Variants in AGBL4 observed in about 807,000 individuals in gnomAD.
AGBL4 encodes AGBL carboxypeptidase 4.
In AGBL4, 58 loss-of-function variants were observed where a neutral mutation model predicts 66.4. The observed-to-expected ratio is 0.87, with a 90% CI of 0.71 to 1.09. The LOEUF (loss-of-function observed/expected upper bound fraction) is 1.09. AGBL4 is among the 50% of genes least tolerant of loss of function. AGBL4 has a pLI of 0.00. For synonymous variants in AGBL4, 234 were observed against 222.9 expected (o/e 1.05, Z -0.44); for missense variants, 579 against 631.0 (o/e 0.92, Z 0.88).
At chr1:49,820,551 A>G (rs1030268869) in intron 2 of AGBL4, among the ~76,000 whole-genome samples, 2 of 152,170 alleles carry the variant, frequency 1.3e-5, no homozygotes, top group Non-Finnish European at 2.9e-5. Flanking sequence ...AATGCATGCA[A>G]TAAGCCCTCA....
At chr1:49,584,018 T>C (rs1285430363) in intron 3 of AGBL4, among the ~76,000 whole-genome samples, 1 of 152,226 alleles carries the variant, frequency 6.6e-6, no homozygotes, top group Non-Finnish European at 1.5e-5. Context: ...TTGTTCTCAG[T>C]ACTCTTGTTG....
chr1:48,590,761 C>T, intron 10 of AGBL4, 72 bp downstream of exon 10: 1 of 1,492,336 alleles, frequency 6.7e-7, no homozygotes, highest in Non-Finnish European at 9.0e-7. Flanking sequence ...GCAAACTGAA[C>T]TGAGTGAGAA....
intron 3 of AGBL4, among the ~76,000 whole-genome samples, chr1:49,369,004 G>A (rs965517933): frequency 1.3e-5 from 2 of 152,038 alleles, no homozygotes; most frequent in Non-Finnish European, 2.9e-5. Flanking sequence ...GAACCTGGTG[G>A]GGGCGGAGGT....
At chr1:49,200,273 T>C (rs542271693) in intron 4 of AGBL4, among the ~76,000 whole-genome samples, 46 of 152,310 alleles carry the variant, frequency 3.0e-4, no homozygotes, top group Middle Eastern at 3.4e-3. Flanking sequence ...TCAGATACTT[T>C]GTAAAAAAAC....
intron 1 of AGBL4, among the ~76,000 whole-genome samples, chr1:49,925,059 G>A (rs546150299): frequency 1.3e-5 from 2 of 152,332 alleles, no homozygotes; most frequent in South Asian, 4.1e-4. Context: ...CAGCGAGGTG[G>A]CTAAGGGAGT....
intron 6 of AGBL4, among the ~76,000 whole-genome samples, chr1:48,814,887 A>G (rs1646139015): frequency 6.6e-6 from 1 of 152,116 alleles, no homozygotes; most frequent in Non-Finnish European, 1.5e-5. Flanking sequence ...TTTTTGATAT[A>G]CTGATTTCCT....
intron 1 of AGBL4, among the ~76,000 whole-genome samples, chr1:49,895,131 A>T (rs912048784): frequency 6.6e-6 from 1 of 151,882 alleles, no homozygotes; most frequent in Non-Finnish European, 1.5e-5. Context: ...GAAAGAAAAA[A>T]CTTTTATCCT....
At chr1:49,180,557 T>C (rs950278402) in intron 4 of AGBL4, among the ~76,000 whole-genome samples, 12 of 152,190 alleles carry the variant, frequency 7.9e-5, no homozygotes, top group African/African-American at 2.9e-4. Context: ...CATGCTATAC[T>C]GCTAACTTTA....
chr1:49,790,600 GT>G (rs1269045531), intron 2 of AGBL4, among the ~76,000 whole-genome samples: 1 of 152,094 alleles, frequency 6.6e-6, no homozygotes, highest in African/African-American at 2.4e-5. Context: ...AATAATGCTA[GT>G]AGTGTTAAAA....
intron 2 of AGBL4, among the ~76,000 whole-genome samples, chr1:49,760,577 T>C (rs1378849050): frequency 6.6e-6 from 1 of 152,166 alleles, no homozygotes; most frequent in Non-Finnish European, 1.5e-5. Context: ...TTGGTGGAAA[T>C]GTAAATTAGT....
intron 5 of AGBL4, among the ~76,000 whole-genome samples, chr1:49,028,361 G>A (rs548085845): frequency 5.9e-5 from 9 of 152,248 alleles, no homozygotes; most frequent in South Asian, 4.1e-4. Flanking sequence ...ATCAGCTAGC[G>A]ATTAATACAG....
At chr1:49,605,919 A>C (rs894783419) in intron 3 of AGBL4, among the ~76,000 whole-genome samples, 3 of 152,126 alleles carry the variant, frequency 2.0e-5, no homozygotes, top group Non-Finnish European at 4.4e-5. Flanking sequence ...TATGCCTAGG[A>C]AAACATTCTA....
intron 9 of AGBL4, among the ~76,000 whole-genome samples, chr1:48,615,692 T>C (rs898522212): frequency 5.3e-5 from 8 of 152,230 alleles, no homozygotes; most frequent in Non-Finnish European, 1.0e-4. Flanking sequence ...ACATCCTCGG[T>C]AGTTCTACCC....
At chr1:49,130,548 C>A (rs1465191860) in intron 4 of AGBL4, among the ~76,000 whole-genome samples, 1 of 152,092 alleles carries the variant, frequency 6.6e-6, no homozygotes, top group Non-Finnish European at 1.5e-5. Context: ...CCAGTTATCC[C>A]AGCACCATTT....
At chr1:48,709,071 G>T (rs1290024306) in intron 6 of AGBL4, among the ~76,000 whole-genome samples, 1 of 152,126 alleles carries the variant, frequency 6.6e-6, no homozygotes, top group Non-Finnish European at 1.5e-5. Context: ...CCGGCCTCTG[G>T]GTCTCTATCA....
At chr1:48,682,680 A>T (rs564285566) in intron 6 of AGBL4, among the ~76,000 whole-genome samples, 2 of 152,246 alleles carry the variant, frequency 1.3e-5, no homozygotes, top group Non-Finnish European at 2.9e-5. Flanking sequence ...GGTATGAGCC[A>T]CAGCGCTCAG....
chr1:48,810,986 T>C (rs893442321), intron 6 of AGBL4, among the ~76,000 whole-genome samples: 3 of 152,206 alleles, frequency 2.0e-5, no homozygotes, highest in Admixed American at 6.5e-5. Flanking sequence ...ACAATGCTTG[T>C]AACTGATCCT....
At chr1:49,325,031 C>CT (rs933550194) in intron 3 of AGBL4, among the ~76,000 whole-genome samples, 3 of 151,428 alleles carry the variant, frequency 2.0e-5, no homozygotes, top group Non-Finnish European at 2.9e-5. Context: ...TCACTTTCTT[C>CT]TTTTTTTTTG....
At chr1:49,784,816 C>T (rs1644414307) in intron 2 of AGBL4, among the ~76,000 whole-genome samples, 1 of 151,766 alleles carries the variant, frequency 6.6e-6, no homozygotes. Context: ...AAAATATATA[C>T]AAATGGAAAA....
Sources: gnomAD v4.1 joint callset for allele counts (sites outside exome capture counted in the v4.1 genomes callset) on GRCh38, gnomAD v4.1.1 for gene constraint, MANE v1.5 for transcripts, NCBI Gene and HGNC (gene_info 2026-07-23, HGNC 2026-07-21) for gene names.